FAM114A2: variants seen among roughly 807,000 people sequenced by gnomAD.
FAM114A2 encodes protein FAM114A2.
In FAM114A2, 53 loss-of-function variants were observed where a neutral mutation model predicts 58.4. That is an observed-to-expected ratio of 0.91 (90% confidence interval 0.73 to 1.14). The LOEUF is 1.14. Among genes scored for constraint, FAM114A2 ranks in the 50% most tolerant of loss-of-function variants. FAM114A2 has a pLI of 0.00. For synonymous variants in FAM114A2, 228 were observed against 211.4 expected (o/e 1.08, Z -0.68); for missense variants, 601 against 581.1 (o/e 1.03, Z -0.35).
At chr5:154,029,672 C>T in intron 4 of FAM114A2, 92 bp from the exon 5 acceptor site, 1 of 662,432 alleles carries the variant, frequency 1.5e-6, no homozygotes, top group South Asian at 1.8e-5. Flanking sequence ...AAAACTAGAC[C>T]CTGCTTACTA....
At chr5:153,995,047 A>C (rs2113161397) in intron 12 of FAM114A2, 75 bp from the exon 13 acceptor site, 1 of 863,218 alleles carries the variant, frequency 1.2e-6, no homozygotes, top group Middle Eastern at 2.2e-4. Context: ...CACACTTTAA[A>C]ACACACACAC....
rs564732245 is a variant in FAM114A2, at chr5:154,021,105, A to G, written c.913+5294T>C. Among the ~76,000 whole-genome samples the G allele has an allele frequency of 3.3e-5, 5 of 152,260 alleles. No homozygotes were observed. In the East Asian group the frequency reaches 9.6e-4, roughly 29 times the overall value. On this transcript the variant is annotated intron_variant, in intron 8 of 13. Transcript: ENST00000351797. Reference sequence around the variant, plus strand: ...TTGACAAAATTCAACAGCCCTTCATACTAAAAACTCTCAATAAACTAGGTA... The same window carrying G: ...TTGACAAAATTCAACAGCCCTTCATGCTAAAAACTCTCAATAAACTAGGTA...
At position 154,026,410 on chromosome 5, in the gene FAM114A2, T is replaced by A. The variant is rs769374841; in HGVS notation, c.902A>T (p.Glu301Val). The change falls in exon 8 of 14, where the codon GAA (glutamate) becomes GTA (valine). Residue 301 changes from glutamate to valine, a missense_variant. By Grantham distance (121) the Glu-to-Val change is moderately radical. Coordinates refer to ENST00000351797, the MANE Select transcript of FAM114A2 (RefSeq NM_018691.4). ...SLAEFCEEEE[E>V]EKKGDEDFTK... Reference sequence around the variant, plus strand: ...AATTTTCATATTACCTTTTTTCTCTTCTTCCTCTTCTTCACAAAATTCTGC... The same window carrying A: ...AATTTTCATATTACCTTTTTTCTCTACTTCCTCTTCTTCACAAAATTCTGC... The A allele has an allele frequency of 6.4e-7, 1 of 1,571,688 alleles. No homozygotes were observed. The highest frequency in any genetic ancestry group is 1.2e-5 in the South Asian group (1 of 83,354).
chr5:154,002,582 C>CT (rs935940758), intron 10 of FAM114A2, among the ~76,000 whole-genome samples, 192 bp from the exon 11 acceptor site: 1 of 152,180 alleles, frequency 6.6e-6, no homozygotes, highest in African/African-American at 2.4e-5. Flanking sequence ...GACGAAGTAA[C>CT]TAAGTTTTGG....
At chr5:153,997,551 GAA>G (rs1297818649) in intron 12 of FAM114A2, among the ~76,000 whole-genome samples, 1 of 152,156 alleles carries the variant, frequency 6.6e-6, no homozygotes, top group African/African-American at 2.4e-5. Flanking sequence ...AATCTATAGA[GAA>G]AGAAAGCAGA....
intron 9 of FAM114A2, among the ~76,000 whole-genome samples, chr5:154,010,090 G>A (rs1302475623): frequency 1.3e-5 from 2 of 152,172 alleles, no homozygotes; most frequent in Non-Finnish European, 2.9e-5. Flanking sequence ...GAAACATTTA[G>A]AAGAGCAATA....
chr5:154,028,942 T>C (rs1368794338), intron 5 of FAM114A2, among the ~76,000 whole-genome samples: 2 of 152,156 alleles, frequency 1.3e-5, no homozygotes, highest in African/African-American at 4.8e-5. Context: ...ACTCTGGGTG[T>C]TTCACACTGA....
At chr5:154,029,358 C>T (rs1772022686) in intron 5 of FAM114A2, 131 bp downstream of exon 5, 5 of 575,076 alleles carry the variant, frequency 8.7e-6, no homozygotes, top group Non-Finnish European at 1.6e-5. Flanking sequence ...CCAAAGTGAC[C>T]GATCTTCAGT....
chr5:154,031,323 A>AAAAAAAAAAAAAAAAAAAAC (rs1303738308), intron 4 of FAM114A2, among the ~76,000 whole-genome samples: 1 of 150,644 alleles, frequency 6.6e-6, no homozygotes, highest in African/African-American at 2.4e-5. Flanking sequence ...AAAAAAAAAA[A>AAAAAAAAAAAAAAAAAAAAC]AAAAAGCCTT....
At position 153,994,937 on chromosome 5, in the gene FAM114A2, GA is replaced by G; in HGVS notation, c.1364del (p.Ile455ThrfsTer6). The G allele has an allele frequency of 6.2e-7, 1 of 1,606,802 alleles. No individual in the cohort carries two copies. The highest frequency in any genetic ancestry group is 8.5e-7 in the Non-Finnish European group (1 of 1,173,668). ...TACTAACCTCTAGAAATACTGCAGT[GA>G]TTAATGGGTTAAGGACATCTGCCAT... Reference protein sequence around the residue: ...KEMADVLNPLITAVFLEASNS... With the variant: ...KEMADVLNPLXTAVFLEASNS... On this transcript the variant is annotated frameshift_variant, in exon 13 of 14. Coordinates refer to ENST00000351797, the MANE Select transcript of FAM114A2 (RefSeq NM_018691.4). LOFTEE classifies it high-confidence loss of function.
chr5:154,006,274 T>C (rs1293077422), intron 9 of FAM114A2, among the ~76,000 whole-genome samples: 1 of 152,028 alleles, frequency 6.6e-6, no homozygotes, highest in Non-Finnish European at 1.5e-5. Flanking sequence ...AAACTAGGAG[T>C]CTGCTCTTCT....
chr5:153,999,760 A>G (rs1934072300), intron 11 of FAM114A2, among the ~76,000 whole-genome samples: 1 of 152,190 alleles, frequency 6.6e-6, no homozygotes, highest in Non-Finnish European at 1.5e-5. Flanking sequence ...AATAAAATGG[A>G]ACTACCAAAC....
At chr5:154,026,833 T>C (rs1230306775) in intron 7 of FAM114A2, among the ~76,000 whole-genome samples, 6 of 150,636 alleles carry the variant, frequency 4.0e-5, no homozygotes, top group East Asian at 2.0e-4. Context: ...TGTACACAAA[T>C]TGGCAGCTCA....
At chr5:154,010,972 CAT>C (rs771045757) in intron 9 of FAM114A2, among the ~76,000 whole-genome samples, 4 of 152,132 alleles carry the variant, frequency 2.6e-5, no homozygotes, top group Non-Finnish European at 5.9e-5. Flanking sequence ...TAATGACCAA[CAT>C]TGTAGACTAA....
chr5:154,028,273 A>G lies in FAM114A2; in HGVS notation c.506T>C (p.Val169Ala). The part of the protein sequence containing the change: ...STAVQSTGKS[V>A]ISGGLDALEF... Reference sequence around the variant, plus strand: ...TAAGGCATCCAAACCCCCACTTATAACACTCTTTCCCTAGAAAATACATGC... The same window carrying G: ...TAAGGCATCCAAACCCCCACTTATAGCACTCTTTCCCTAGAAAATACATGC... Residue 169 changes from valine (V) to alanine (A), a missense_variant, in exon 6 of 14, where the codon GTT (valine) becomes GCT (alanine). By Grantham distance (64) the Val-to-Ala change is moderately conservative. Coordinates refer to ENST00000351797, the MANE Select transcript of FAM114A2 (RefSeq NM_018691.4). The G allele has an allele frequency of 6.3e-7, 1 of 1,597,946 alleles. No homozygotes were observed. Among genetic ancestry groups the G allele is most frequent in the Middle Eastern group, 1.7e-4 (1 of 6,006 alleles).
intron 8 of FAM114A2, among the ~76,000 whole-genome samples, chr5:154,017,499 G>A (rs1228585951): frequency 1.1e-5 from 1 of 92,564 alleles, no homozygotes; most frequent in Non-Finnish European, 2.4e-5. Flanking sequence ...ATAATAGTGG[G>A]GGACTTTAAC....
chr5:154,002,424 CA>C, intron 10 of FAM114A2, 34 bp from the exon 11 acceptor site: 1 of 1,604,642 alleles, frequency 6.2e-7, no homozygotes, highest in Admixed American at 1.7e-5. Flanking sequence ...CATAGCAAAA[CA>C]AAACATTTGG....
chr5:154,006,445 T>C (rs1295312231), intron 9 of FAM114A2, among the ~76,000 whole-genome samples: 4 of 152,068 alleles, frequency 2.6e-5, no homozygotes, highest in Non-Finnish European at 5.9e-5. Context: ...GAATTGGCCA[T>C]ACAAATAGTT....
intron 4 of FAM114A2, among the ~76,000 whole-genome samples, chr5:154,032,071 C>T (rs992213960): frequency 5.9e-5 from 9 of 152,196 alleles, no homozygotes; most frequent in Admixed American, 3.9e-4. Context: ...TCCTTTTACA[C>T]GTAAAATGTG....
Sources: gnomAD v4.1 joint callset for allele counts (sites outside exome capture counted in the v4.1 genomes callset) on GRCh38, gnomAD v4.1.1 for gene constraint, MANE v1.5 for transcripts, NCBI Gene and HGNC (gene_info 2026-07-23, HGNC 2026-07-21) for gene names.